IQCM: variants seen among roughly 807,000 people sequenced by gnomAD.
IQCM encodes the protein IQ domain-containing protein M.
A neutral mutation model predicts 57.6 loss-of-function variants in IQCM; 45 were observed. That is an observed-to-expected ratio of 0.78 (90% CI 0.62 to 1.00). The LOEUF (loss-of-function observed/expected upper bound fraction) is 1.00, where lower values mean the gene tolerates loss of function less well. Ranked by LOEUF, IQCM falls within the 50% of genes least tolerant of loss-of-function variation. IQCM has a pLI of 0.00. For synonymous variants in IQCM, 148 were observed against 158.9 expected (o/e 0.93, Z 0.51); for missense variants, 468 against 511.6 (o/e 0.91, Z 0.82).
At chr4:149,724,423 A>T (rs1412617139) in intron 5 of IQCM, among the ~76,000 whole-genome samples, 1 of 151,942 alleles carries the variant, frequency 6.6e-6, no homozygotes, top group Non-Finnish European at 1.5e-5. Flanking sequence ...TATATAAAGG[A>T]AAAGATTTGT....
rs1419334501 is a variant in IQCM at position 149,672,207 on chromosome 4, G to A, written c.565+9911C>T. On this transcript the variant is annotated intron_variant, in intron 7 of 13. Coordinates refer to ENST00000636793, the MANE Select transcript of IQCM (RefSeq NM_001363507.2). ...AAGGCTGAAAATTCTAAAAATCAGA[G>A]CGGCTCTTCTCCTCCAAGGAAACGC... Among the ~76,000 whole-genome samples, 4 of 152,298 alleles carry A rather than the reference G, an allele frequency of 2.6e-5. No individual in the cohort carries two copies. In the East Asian group the frequency reaches 7.7e-4, roughly 29 times the overall value.
chr4:149,671,471 AT>A (rs1761280042), intron 7 of IQCM, among the ~76,000 whole-genome samples: 1 of 151,720 alleles, frequency 6.6e-6, no homozygotes, highest in Non-Finnish European at 1.5e-5. Flanking sequence ...TTGTGTCTCT[AT>A]TTCCTTCAGT....
intron 2 of IQCM, among the ~76,000 whole-genome samples, chr4:149,767,288 C>T (rs1233380460): frequency 6.6e-6 from 1 of 151,798 alleles, no homozygotes; most frequent in Non-Finnish European, 1.5e-5. Context: ...TCAGATATTA[C>T]AATAAAAGGG....
At chr4:149,483,819 C>A (rs1741170891) in intron 12 of IQCM, among the ~76,000 whole-genome samples, 1 of 151,750 alleles carries the variant, frequency 6.6e-6, no homozygotes, top group Admixed American at 6.6e-5. Flanking sequence ...TTTGAGCTTT[C>A]TTTGTTTATT....
intron 12 of IQCM, among the ~76,000 whole-genome samples, chr4:149,438,836 A>C (rs1417138890): frequency 6.6e-6 from 1 of 152,076 alleles, no homozygotes; most frequent in Non-Finnish European, 1.5e-5. Flanking sequence ...AGACAGTTAA[A>C]TGATATGCCA....
chr4:149,414,673 A>G (rs1733620867), intron 13 of IQCM, among the ~76,000 whole-genome samples: 1 of 152,092 alleles, frequency 6.6e-6, no homozygotes, highest in South Asian at 2.1e-4. Flanking sequence ...CAATTATATA[A>G]CTAAGATTTA....
chr4:149,581,753 G>T (rs1052307837), intron 9 of IQCM, among the ~76,000 whole-genome samples: 4 of 151,540 alleles, frequency 2.6e-5, no homozygotes, highest in African/African-American at 9.7e-5. Context: ...TTTTAATGGG[G>T]ACATTTTTTA....
intron 12 of IQCM, among the ~76,000 whole-genome samples, chr4:149,445,869 C>G (rs1736451603): frequency 1.3e-5 from 2 of 151,722 alleles, no homozygotes; most frequent in South Asian, 4.1e-4. Context: ...TACAGCTGCC[C>G]ATTCACTTAT....
At position 149,563,530 on chromosome 4, in the gene IQCM, G is replaced by A. The variant is rs146376304; in HGVS notation, c.948+162C>T. Among the ~76,000 whole-genome samples, 546 of 152,076 alleles carry A rather than the reference G, an allele frequency of 3.6e-3. 1 individual carries two copies. The highest frequency in any genetic ancestry group is 0.013 in the African/African-American group (527 of 41,448). ...GAACCCAGCAGGCAGAGGTTGCAGTGAGCCAAGATCACGCCATTGCACTCC... is the reference window on the plus strand; with the variant it reads ...GAACCCAGCAGGCAGAGGTTGCAGTAAGCCAAGATCACGCCATTGCACTCC... On this transcript the variant is annotated intron_variant, in intron 10 of 13. Coordinates refer to ENST00000636793, the MANE Select transcript of IQCM (RefSeq NM_001363507.2).
intron 2 of IQCM, among the ~76,000 whole-genome samples, chr4:149,804,598 G>C (rs1312084607): frequency 6.6e-6 from 1 of 152,070 alleles, no homozygotes; most frequent in Non-Finnish European, 1.5e-5. Context: ...TGACATGTCA[G>C]ACCAGAAACT....
intron 13 of IQCM, among the ~76,000 whole-genome samples, chr4:149,361,677 C>T (rs1475590446): frequency 6.6e-6 from 1 of 152,144 alleles, no homozygotes; most frequent in Non-Finnish European, 1.5e-5. Context: ...GGTACCTCCT[C>T]CTAGATTTCA....
intron 13 of IQCM, among the ~76,000 whole-genome samples, chr4:149,407,555 G>A (rs1317061077): frequency 6.6e-6 from 1 of 151,678 alleles, no homozygotes; most frequent in Non-Finnish European, 1.5e-5. Context: ...CTTAAAAGTG[G>A]AAACGGATTT....
intron 9 of IQCM, among the ~76,000 whole-genome samples, chr4:149,570,199 A>T (rs1751025841): frequency 6.6e-6 from 1 of 152,100 alleles, no homozygotes; most frequent in East Asian, 1.9e-4. Context: ...TTCATTATAG[A>T]AGTATTTATT....
intron 5 of IQCM, among the ~76,000 whole-genome samples, chr4:149,714,703 T>C (rs2149838994): frequency 6.6e-6 from 1 of 152,294 alleles, no homozygotes; most frequent in South Asian, 2.1e-4. Context: ...AATAGAATAA[T>C]TATAATAATA....
At chr4:149,726,654 A>G (rs1333914812) in intron 5 of IQCM, among the ~76,000 whole-genome samples, 4 of 152,142 alleles carry the variant, frequency 2.6e-5, no homozygotes, top group Non-Finnish European at 4.4e-5. Flanking sequence ...GCCAATTACC[A>G]TATGTAGCTA....
chr4:149,636,714 C>A (rs901802408), intron 7 of IQCM, among the ~76,000 whole-genome samples: 5 of 151,912 alleles, frequency 3.3e-5, no homozygotes, highest in Non-Finnish European at 7.4e-5. Flanking sequence ...AGTTTCTAGT[C>A]GGTTAAATAA....
chr4:149,704,981 C>T (rs1764048412), intron 5 of IQCM, among the ~76,000 whole-genome samples: 1 of 151,658 alleles, frequency 6.6e-6, no homozygotes, highest in Non-Finnish European at 1.5e-5. Flanking sequence ...CCTTTGGACT[C>T]TGACTCCAGA....
intron 12 of IQCM, among the ~76,000 whole-genome samples, chr4:149,544,915 A>T (rs1213706809): frequency 6.6e-6 from 1 of 152,230 alleles, no homozygotes; most frequent in Non-Finnish European, 1.5e-5. Context: ...TAAAGACTTA[A>T]ATGTAAAGTC....
At chr4:149,442,767 T>G (rs1007588382) in intron 12 of IQCM, among the ~76,000 whole-genome samples, 1 of 152,016 alleles carries the variant, frequency 6.6e-6, no homozygotes, top group African/African-American at 2.4e-5. Context: ...TTGACATCCA[T>G]AATTCTACTA....
Sources: allele counts gnomAD v4.1 joint callset (sites outside exome capture counted in the v4.1 genomes callset), GRCh38; gene constraint gnomAD v4.1.1; transcripts MANE v1.5; gene names NCBI Gene and HGNC (gene_info 2026-07-23, HGNC 2026-07-21).